Variants in GALK2 observed in about 807,000 individuals in gnomAD.
The protein encoded by GALK2 is galactokinase 2, also known as N-acetylgalactosamine kinase.
In GALK2, 36 loss-of-function variants were observed where a neutral mutation model predicts 52.4. The ratio of observed to expected loss-of-function variants is 0.69; its 90% CI spans 0.53 to 0.91. The LOEUF (loss-of-function observed/expected upper bound fraction) is 0.91, where lower values mean the gene tolerates loss of function less well. Ranked by LOEUF, GALK2 falls within the 40% of genes least tolerant of loss-of-function variation. The pLI is 0.00. For synonymous variants in GALK2, 176 were observed against 199.1 expected (o/e 0.88, Z 0.98); for missense variants, 579 against 559.1 (o/e 1.04, Z -0.36).
At chr15:49,221,312 G>A (rs1487099609) in intron 3 of GALK2, among the ~76,000 whole-genome samples, 1 of 152,120 alleles carries the variant, frequency 6.6e-6, no homozygotes, top group Non-Finnish European at 1.5e-5. Context: ...AGTTTTCCCA[G>A]CACCATTTAT....
chr15:49,331,786 A>G lies in GALK2; in HGVS notation c.*3627A>G. 6.3e-7 allele frequency: 1 copy of G among 1,593,576 alleles called. No homozygotes were observed. Among genetic ancestry groups the G allele is most frequent in the Non-Finnish European group, 8.6e-7 (1 of 1,161,368 alleles). On this transcript the variant is annotated 3_prime_UTR_variant, in exon 10 of 10. Transcript: ENST00000560031. Reference sequence around the variant, plus strand: ...TTTCAGAAAGAAAACCTACCAGTTTATGTAGGAACTTCTCAAAGTCCTGTT... The same window carrying G: ...TTTCAGAAAGAAAACCTACCAGTTTGTGTAGGAACTTCTCAAAGTCCTGTT...
At chr15:49,352,960 G>C (rs1182605478) in intron 3 of GALK2, among the ~76,000 whole-genome samples, 2 of 152,130 alleles carry the variant, frequency 1.3e-5, no homozygotes, top group South Asian at 4.1e-4. Context: ...GCTTTGCTTG[G>C]TCAACAGGTT....
intron 4 of GALK2, among the ~76,000 whole-genome samples, chr15:49,236,683 T>C (rs1420988622): frequency 6.6e-6 from 1 of 152,246 alleles, no homozygotes; most frequent in Non-Finnish European, 1.5e-5. Flanking sequence ...ATTTTAGATG[T>C]AGTGACTTGC....
chr15:49,202,412 T>A (rs909308522), intron 2 of GALK2, among the ~76,000 whole-genome samples: 2 of 152,204 alleles, frequency 1.3e-5, no homozygotes, highest in African/African-American at 4.8e-5. Context: ...TTTTATGAGA[T>A]CAACTCTTTT....
intron 1 of GALK2, among the ~76,000 whole-genome samples, chr15:49,171,078 TTTTC>T (rs2085051426): frequency 6.8e-6 from 1 of 147,126 alleles, no homozygotes; most frequent in Non-Finnish European, 1.5e-5. Flanking sequence ...TTCTTTTTCT[TTTTC>T]TTTTTTTTTT....
chr15:49,244,207 T>C (rs2091238570), intron 5 of GALK2, among the ~76,000 whole-genome samples: 2 of 151,890 alleles, frequency 1.3e-5, no homozygotes, highest in South Asian at 4.2e-4. Flanking sequence ...CTCTCAAAGC[T>C]CTGGGATTAT....
intron 8 of GALK2, among the ~76,000 whole-genome samples, chr15:49,306,225 GC>G (rs2035535362): frequency 6.6e-6 from 1 of 151,696 alleles, no homozygotes; most frequent in Non-Finnish European, 1.5e-5. Flanking sequence ...ATCTAGTAGG[GC>G]CATTTTACAT....
chr15:49,217,624 A>C (rs1775307818), intron 3 of GALK2, among the ~76,000 whole-genome samples: 1 of 152,196 alleles, frequency 6.6e-6, no homozygotes, highest in Admixed American at 6.5e-5. Flanking sequence ...CAGCAAAGTC[A>C]GGTCTGATGT....
intron 8 of GALK2, among the ~76,000 whole-genome samples, chr15:49,314,025 A>G (rs1394855890): frequency 6.6e-6 from 1 of 152,218 alleles, no homozygotes; most frequent in East Asian, 1.9e-4. Flanking sequence ...TCAGAGCTTA[A>G]AGTGGCGCTC....
rs767130682 is a variant in GALK2 at position 49,327,974 on chromosome 15, C to T, written c.1192C>T (p.Arg398Ter). ...ICRKFGAQGS[R>*]LTGAGWGGCT... is the part of the protein sequence containing the mutation. ...TAGGAAGTTTGGGGCTCAAGGGTCA[C>T]GACTTACTGGAGCAGGATGGGGAGG... The change falls in exon 10 of 10, where the codon CGA (arginine) becomes TGA (stop). Residue 398 changes from arginine to a stop codon, truncating the protein, a stop_gained. Coordinates refer to ENST00000560031, the MANE Select transcript of GALK2 (RefSeq NM_002044.4). LOFTEE classifies it high-confidence loss of function. 23 of 1,613,238 alleles carry T rather than the reference C, an allele frequency of 1.4e-5. No homozygotes were observed. The highest frequency in any genetic ancestry group is 4.5e-5 in the East Asian group (2 of 44,882).
intron 2 of GALK2, among the ~76,000 whole-genome samples, chr15:49,216,481 G>A (rs1410441702): frequency 6.6e-6 from 1 of 152,234 alleles, no homozygotes; most frequent in Admixed American, 6.5e-5. Flanking sequence ...GTTGGGTGCA[G>A]TGCGATCAGG....
Position 49,282,055 on chromosome 15 carries a change from G to C in GALK2, c.573G>C (p.Gln191His), listed in dbSNP as rs537774136. 14 of 1,613,660 alleles carry C rather than the reference G, an allele frequency of 8.7e-6. No individual in the cohort carries two copies. Among genetic ancestry groups the C allele is most frequent in the Non-Finnish European group, 1.2e-5 (14 of 1,179,570 alleles). Residue 191 changes from glutamine to histidine, a missense_variant, in exon 6 of 10, where the codon CAG (glutamine) becomes CAC (histidine). Coordinates refer to ENST00000560031, the MANE Select transcript of GALK2 (RefSeq NM_002044.4). ...YIGTEGGGMD[Q>H]SISFLAEEGT... is the part of the protein sequence containing the mutation. ...GCACTGAAGGAGGAGGCATGGACCAGTCTATATCATTTCTTGCAGAAGAAG... is the reference window on the plus strand; with the variant it reads ...GCACTGAAGGAGGAGGCATGGACCACTCTATATCATTTCTTGCAGAAGAAG...
rs190003079 is a variant in GALK2, at chr15:49,366,628, C to T, written c.427-863C>T. The T allele has an allele frequency of 6.3e-4, 999 of 1,584,206 alleles. 11 individuals carry two copies. The East Asian group carries it at 0.019, about 30-fold the overall frequency. On this transcript the variant is annotated intron_variant, in intron 3 of 3. Coordinates refer to the GALK2 transcript ENST00000558399. ...CTTCCTGAGCGGCTGTCAGCTGGAGCAGGAAGCCCCAGAGCAGGGCGGCCG... is the reference window on the plus strand; with the variant it reads ...CTTCCTGAGCGGCTGTCAGCTGGAGTAGGAAGCCCCAGAGCAGGGCGGCCG...
rs567778481 is a variant in GALK2, at chr15:49,318,942, TTTTC to T, written c.968-650_968-647del. 777 of 451,652 alleles carry T rather than the reference TTTTC, an allele frequency of 1.7e-3. 4 individuals are homozygous for T. The highest frequency in any genetic ancestry group is 0.011 in the South Asian group (717 of 63,584). 28.0% of individuals were successfully genotyped at this position (451,652 alleles called of 1,614,324 possible). Reference sequence around the variant, plus strand: ...TGATGAGAACTTTATGAGGTAGTACTTTTCTTTCTTTCTTTTTTTTTTTTTTGAG... The same window carrying T: ...TGATGAGAACTTTATGAGGTAGTACTTTTCTTTCTTTTTTTTTTTTTTGAG... On this transcript the variant is annotated intron_variant, in intron 8 of 9. Coordinates refer to ENST00000560031, the MANE Select transcript of GALK2 (RefSeq NM_002044.4).
At chr15:49,174,569 C>G (rs573724100) in intron 1 of GALK2, among the ~76,000 whole-genome samples, 1 of 152,296 alleles carries the variant, frequency 6.6e-6, no homozygotes, top group Admixed American at 6.5e-5. Flanking sequence ...TGGTTTCGAA[C>G]TCCTGACCTC....
At chr15:49,366,419 A>G in intron 3 of GALK2, 2 of 867,650 alleles carry the variant, frequency 2.3e-6, no homozygotes, top group African/African-American at 3.3e-5. Context: ...CCATTGCACC[A>G]CAACTGCTTT....
chr15:49,344,101 C>T (rs918995222), intron 3 of GALK2: 6 of 151,932 alleles, frequency 3.9e-5, no homozygotes, highest in African/African-American at 7.3e-5. Context: ...ATTGAAGCAG[C>T]GAAAACTAAA....
chr15:49,262,779 C>T (rs1200646020), intron 5 of GALK2, among the ~76,000 whole-genome samples: 2 of 147,262 alleles, frequency 1.4e-5, no homozygotes, highest in South Asian at 2.2e-4. Context: ...TCTTTGTTCT[C>T]GTTGGTTTCA....
upstream of GALK2, chr15:49,168,983 C>T: frequency 6.5e-6 from 1 of 153,676 alleles, no homozygotes; most frequent in Non-Finnish European, 1.5e-5. Context: ...ACCAGAGTAA[C>T]TTTGTTTCTT....
Sources: allele counts gnomAD v4.1 joint callset (sites outside exome capture counted in the v4.1 genomes callset), GRCh38; gene constraint gnomAD v4.1.1; transcripts MANE v1.5; gene names NCBI Gene and HGNC (gene_info 2026-07-23, HGNC 2026-07-21).